Variants in PTK2 observed in about 807,000 individuals in gnomAD.
PTK2 encodes the protein focal adhesion kinase 1.
PTK2 carries 45 observed loss-of-function variants against 150.1 expected under a neutral mutation model. That is an observed-to-expected ratio of 0.30 (90% CI 0.24 to 0.38). PTK2 has a LOEUF of 0.38. Among genes scored for constraint, PTK2 ranks in the 10% least tolerant of loss-of-function variants. The pLI is 1.00. For missense variants in PTK2, 919 were observed against 1,307.3 expected, an observed-to-expected ratio of 0.70 and a Z score of 4.58; for synonymous variants, 432 against 449.2, an observed-to-expected ratio of 0.96 and a Z score of 0.48.
At chr8:140,767,865 T>C (rs1340449987) in intron 14 of PTK2, among the ~76,000 whole-genome samples, 1 of 152,166 alleles carries the variant, frequency 6.6e-6, no homozygotes, top group African/African-American at 2.4e-5. Flanking sequence ...ATATGATAGG[T>C]ATTTTTACAT....
intron 26 of PTK2, among the ~76,000 whole-genome samples, chr8:140,688,076 T>A (rs2100021033): frequency 6.6e-6 from 1 of 152,196 alleles, no homozygotes; most frequent in South Asian, 2.1e-4. Flanking sequence ...TTGTGTGTTG[T>A]CCCTGAATTT....
intron 19 of PTK2, among the ~76,000 whole-genome samples, 171 bp downstream of exon 22, chr8:140,744,481 G>A (rs765815999): frequency 6.6e-6 from 1 of 152,168 alleles, no homozygotes; most frequent in African/African-American, 2.4e-5. Context: ...GCTATTAACT[G>A]TGTACAATAG....
intron 14 of PTK2, among the ~76,000 whole-genome samples, chr8:140,767,919 GGCC>G (rs1447977687): frequency 8.6e-5 from 13 of 151,902 alleles, no homozygotes; most frequent in Non-Finnish European, 1.8e-4. Flanking sequence ...AAACTTCCTG[GGCC>G]CTCCACATGT....
intron 26 of PTK2, among the ~76,000 whole-genome samples, chr8:140,693,916 T>C (rs1051316199): frequency 5.3e-5 from 8 of 152,134 alleles, no homozygotes; most frequent in African/African-American, 1.7e-4. Flanking sequence ...ACTTATCTAA[T>C]AGGGTGCACA....
chr8:140,893,573 G>A (rs1261484752), intron 2 of PTK2, among the ~76,000 whole-genome samples: 2 of 152,150 alleles, frequency 1.3e-5, no homozygotes, highest in Non-Finnish European at 2.9e-5. Flanking sequence ...CTTATATGAA[G>A]GAATATGCAA....
chr8:140,720,545 C>T (rs764457132), intron 22 of PTK2, among the ~76,000 whole-genome samples: 2 of 152,168 alleles, frequency 1.3e-5, no homozygotes, highest in Non-Finnish European at 1.5e-5. Flanking sequence ...TCCCTCCAAG[C>T]CTCATCCACA....
At chr8:140,879,133 T>TAATA (rs567250604) in intron 4 of PTK2, 3 of 162,430 alleles carry the variant, frequency 1.8e-5, no homozygotes, top group African/African-American at 7.2e-5. Context: ...GATGAAAACA[T>TAATA]TATATATATA....
intron 5 of PTK2, among the ~76,000 whole-genome samples, chr8:140,858,496 CAA>C (rs2100134179): frequency 6.7e-6 from 1 of 149,744 alleles, no homozygotes; most frequent in South Asian, 2.1e-4. Context: ...CTGTAAAAAC[CAA>C]AGAGAAAAAA....
chr8:140,980,981 C>T (rs1337251723), intron 1 of PTK2, among the ~76,000 whole-genome samples: 2 of 109,956 alleles, frequency 1.8e-5, no homozygotes, highest in East Asian at 4.9e-4. Flanking sequence ...AGGCTGGTCT[C>T]GAACTCTTCA....
At chr8:140,683,135 G>A (rs915668358) in intron 27 of PTK2, among the ~76,000 whole-genome samples, 24 of 151,726 alleles carry the variant, frequency 1.6e-4, no homozygotes, top group Non-Finnish European at 1.2e-4. Flanking sequence ...AGAGAAGATC[G>A]AAAAAAATAC....
chr8:140,913,634 A>G (rs750053603), intron 2 of PTK2, among the ~76,000 whole-genome samples: 2 of 151,990 alleles, frequency 1.3e-5, no homozygotes, highest in Non-Finnish European at 2.9e-5. Context: ...ATTATTTACA[A>G]TATCATCAAA....
intron 26 of PTK2, among the ~76,000 whole-genome samples, chr8:140,694,759 A>G (rs1478289016): frequency 1.3e-5 from 2 of 152,216 alleles, no homozygotes; most frequent in Non-Finnish European, 2.9e-5. Flanking sequence ...ACACAGCATA[A>G]AAAGGACCAC....
intron 29 of PTK2, among the ~76,000 whole-genome samples, chr8:140,671,605 A>G (rs2153217644): frequency 6.6e-6 from 1 of 152,006 alleles, no homozygotes; most frequent in South Asian, 2.1e-4. Context: ...AGAGGTGTAT[A>G]TTTCATGTTA....
At chr8:140,927,990 A>ATATG (rs1384267003) in intron 1 of PTK2, among the ~76,000 whole-genome samples, 1 of 134,042 alleles carries the variant, frequency 7.5e-6, no homozygotes, top group Non-Finnish European at 1.6e-5. Context: ...ATATATATAT[A>ATATG]TATGTATATA....
At chr8:140,859,996 T>G (rs567162453) in intron 5 of PTK2, among the ~76,000 whole-genome samples, 2 of 152,344 alleles carry the variant, frequency 1.3e-5, no homozygotes, top group Admixed American at 1.3e-4. Context: ...TCATAGTATA[T>G]TCAAAACTTT....
intron 1 of PTK2, among the ~76,000 whole-genome samples, chr8:140,997,979 G>A (rs182325469): frequency 2.0e-5 from 3 of 152,262 alleles, no homozygotes; most frequent in Admixed American, 2.0e-4. Flanking sequence ...ACATGTTACT[G>A]CACACTTACT....
At chr8:140,850,559 A>G (rs529012843) in intron 5 of PTK2, among the ~76,000 whole-genome samples, 1 of 131,652 alleles carries the variant, frequency 7.6e-6, no homozygotes, top group East Asian at 2.1e-4. Flanking sequence ...CCCCATCTCT[A>G]CTAAAAAAAA....
rs71310816 is a variant in PTK2 at position 140,989,212 on chromosome 8, T to TAAAAAA, written c.-122+11907_-122+11912dup. Among the ~76,000 whole-genome samples, 31 of 60,580 alleles carry TAAAAAA rather than the reference T, an allele frequency of 5.1e-4. 1 individual carries two copies. The highest frequency in any genetic ancestry group is 8.4e-4 in the South Asian group (1 of 1,192). 39.7% of individuals were successfully genotyped at this position (60,580 alleles called of 152,430 possible). A position where few individuals can be genotyped will look rare whatever the true frequency, so the allele number is the denominator to read the frequency against. ...GGGCAACATAGGAAGACCCTGTCTC[T>TAAAAAA]AAAAAAAAAAAAAAAAAAAAAAAAA... On this transcript the variant is annotated intron_variant, in intron 1 of 31. Transcript: ENST00000522684.
intron 7 of PTK2, among the ~76,000 whole-genome samples, chr8:140,844,066 C>T (rs1012343059): frequency 2.6e-5 from 4 of 151,986 alleles, no homozygotes; most frequent in African/African-American, 9.7e-5. Flanking sequence ...GTAAAATGTC[C>T]CTGAAGAGGG....
Sources: gnomAD v4.1 joint callset for allele counts (sites outside exome capture counted in the v4.1 genomes callset) on GRCh38, gnomAD v4.1.1 for gene constraint, MANE v1.5 for transcripts, NCBI Gene and HGNC (gene_info 2026-07-23, HGNC 2026-07-21) for gene names.